DNAH17: variants seen among roughly 807,000 people sequenced by gnomAD.
The protein encoded by DNAH17 is axonemal beta dynein heavy chain 17.
DNAH17 carries 376 observed loss-of-function variants against 485.6 expected under a neutral mutation model. That is an observed-to-expected ratio of 0.77 (90% CI 0.71 to 0.84). The LOEUF (loss-of-function observed/expected upper bound fraction) is 0.84, where lower values mean the gene tolerates loss of function less well. DNAH17 is among the 40% of genes least tolerant of loss of function. The probability of loss-of-function intolerance (pLI) is 0.00; values close to 1 mark genes in which losing one functional copy is unlikely to be tolerated. For missense variants in DNAH17, 6,370 were observed against 5,839.3 expected (o/e 1.09, Z -2.96); for synonymous variants, 3,031 against 2,405.9 (o/e 1.26, Z -7.60).
rs773810605 is a variant in DNAH17 at position 78,476,625 on chromosome 17, C to A, written c.8101G>T (p.Asp2701Tyr). 1.2e-6 allele frequency: 2 copies of A among 1,611,874 alleles called. No homozygotes were observed. The highest frequency in any genetic ancestry group is 1.7e-5 in the Admixed American group (1 of 59,674). Residue 2701 changes from aspartate (D) to tyrosine (Y), a missense_variant, in exon 52 of 81, where the codon GAC (aspartate) becomes TAC (tyrosine). Asp to Tyr is a radical substitution (Grantham distance 160, BLOSUM62 -3). Coordinates refer to ENST00000389840, the MANE Select transcript of DNAH17 (RefSeq NM_173628.4). ...VYGDKMVDEK[D>Y]QETLHRVTMA... is the part of the protein sequence containing the mutation. ...GTGACTCTATGCAATGTTTCCTGGT[C>A]TTTTTCGTCAACCATTTTGTCACCA... is the stretch of plus-strand genomic sequence containing the variant.
chr17:78,479,178 C>A, intron 50 of DNAH17, 62 bp from the exon 51 acceptor site: 1 of 1,530,688 alleles, frequency 6.5e-7, no homozygotes, highest in East Asian at 2.3e-5. Context: ...GAAGTGCAAG[C>A]CTCAAGTTTC....
chr17:78,551,461 T>TA, intron 16 of DNAH17, 74 bp downstream of exon 16: 5 of 1,398,326 alleles, frequency 3.6e-6, no homozygotes, highest in Non-Finnish European at 5.0e-6. Flanking sequence ...CATGGGCCTC[T>TA]ACGTAGCCTG....
At chr17:78,436,979 A>T (rs1272181390) in intron 74 of DNAH17, among the ~76,000 whole-genome samples, 1 of 152,164 alleles carries the variant, frequency 6.6e-6, no homozygotes, top group East Asian at 1.9e-4. Flanking sequence ...GCAGATGCAG[A>T]AGTGGGATCC....
At chr17:78,562,961 C>A (rs116457211) in intron 11 of DNAH17, among the ~76,000 whole-genome samples, 1 of 152,152 alleles carries the variant, frequency 6.6e-6, no homozygotes, top group Non-Finnish European at 1.5e-5. Flanking sequence ...ATAACCCACG[C>A]CCAATGGGGG....
At chr17:78,572,422 G>T (rs2092372010) in intron 3 of DNAH17, among the ~76,000 whole-genome samples, 2 of 152,114 alleles carry the variant, frequency 1.3e-5, no homozygotes, top group Non-Finnish European at 1.5e-5. Context: ...GGTGGTGACT[G>T]GATCGGCACA....
At chr17:78,567,347 T>C (rs952440884) in intron 9 of DNAH17, among the ~76,000 whole-genome samples, 181 bp from the exon 10 acceptor site, 1 of 151,780 alleles carries the variant, frequency 6.6e-6, no homozygotes, top group Non-Finnish European at 1.5e-5. Flanking sequence ...AAATATTCCA[T>C]CCCCTGCAGA....
chr17:78,438,945 C>T (rs1408371037), intron 73 of DNAH17, 145 bp downstream of exon 73: 6 of 1,234,866 alleles, frequency 4.9e-6, no homozygotes, highest in Non-Finnish European at 6.5e-6. Flanking sequence ...ACTGGGGATG[C>T]CTCCTCCTTC....
chr17:78,446,580 C>T (rs192632727), intron 69 of DNAH17, among the ~76,000 whole-genome samples: 10 of 152,186 alleles, frequency 6.6e-5, no homozygotes, highest in Non-Finnish European at 1.2e-4. Flanking sequence ...TGATGGACAG[C>T]GGGTCGTTTT....
chr17:78,482,455 T>C (rs1472074486), intron 48 of DNAH17, among the ~76,000 whole-genome samples: 3 of 152,262 alleles, frequency 2.0e-5, no homozygotes, highest in Non-Finnish European at 2.9e-5. Flanking sequence ...TTTTCTTCCA[T>C]TCTTTTATTT....
chr17:78,446,063 A>G (rs962497317), intron 69 of DNAH17, among the ~76,000 whole-genome samples: 6 of 142,894 alleles, frequency 4.2e-5, no homozygotes, highest in Admixed American at 7.7e-5. Flanking sequence ...AGTCCTAGCT[A>G]CTCGGGATGC....
Position 78,486,306 on chromosome 17 carries a change from G to C in DNAH17, c.7019C>G (p.Pro2340Arg). Residue 2340 changes from proline (P) to arginine (R), a missense_variant, in exon 45 of 81, where the codon CCC (proline) becomes CGC (arginine). By Grantham distance (103) the Pro-to-Arg change is moderately radical. Coordinates refer to ENST00000389840, the MANE Select transcript of DNAH17 (RefSeq NM_173628.4). ...ECLLTEKTVPPDSPRELYELY... is the reference protein window; with the variant it reads ...ECLLTEKTVPRDSPRELYELY... ...CTCGTACAGCTCCCTGGGGGAGTCG[G>C]GGGGCACGGTCTTCTCCGTGAGCAG... is the stretch of plus-strand genomic sequence containing the variant. 6.2e-7 allele frequency: 1 copy of C among 1,613,164 alleles called. No individual in the cohort carries two copies. Among genetic ancestry groups the C allele is most frequent in the East Asian group, 2.2e-5 (1 of 44,864 alleles).
intron 72 of DNAH17, among the ~76,000 whole-genome samples, chr17:78,440,244 CTTTTTTTTTTTTTTT>C (rs71160296): frequency 5.0e-5 from 2 of 40,308 alleles, no homozygotes; most frequent in South Asian, 1.3e-3. Context: ...CGACTTCATG[CTTTTTTTTTTTTTTT>C]TTTTTTTTTT....
chr17:78,467,427 C>T (rs541664613), intron 55 of DNAH17, among the ~76,000 whole-genome samples: 8 of 152,342 alleles, frequency 5.3e-5, no homozygotes, highest in Non-Finnish European at 8.8e-5. Flanking sequence ...TGCGTGATGA[C>T]GTGAGGGTGC....
intron 2 of DNAH17, among the ~76,000 whole-genome samples, chr17:78,573,777 G>A (rs1015369809): frequency 6.6e-6 from 1 of 151,518 alleles, no homozygotes; most frequent in Admixed American, 6.6e-5. Context: ...AACCAACCCC[G>A]CCGACACCTT....
intron 9 of DNAH17, among the ~76,000 whole-genome samples, chr17:78,568,754 C>A (rs1044388614): frequency 1.3e-5 from 2 of 152,182 alleles, no homozygotes; most frequent in Non-Finnish European, 2.9e-5. Flanking sequence ...CTGGGCCATG[C>A]ACCATTTTTA....
chr17:78,553,685 CTT>C (rs1309534015), intron 14 of DNAH17, among the ~76,000 whole-genome samples: 3 of 152,126 alleles, frequency 2.0e-5, no homozygotes, highest in East Asian at 1.9e-4. Flanking sequence ...TTTAGAATGA[CTT>C]TTATCACTGA....
At chr17:78,432,850 A>G (rs901136571) in intron 75 of DNAH17, among the ~76,000 whole-genome samples, 4 of 146,836 alleles carry the variant, frequency 2.7e-5, no homozygotes, top group Non-Finnish European at 5.9e-5. Flanking sequence ...TTAGCGGTCC[A>G]GTGACTTGCT....
chr17:78,449,704 G>GCAAGAC, intron 68 of DNAH17, 120 bp from the exon 69 acceptor site: 1 of 1,036,796 alleles, frequency 9.6e-7, no homozygotes, highest in Non-Finnish European at 1.4e-6. Flanking sequence ...TTGAGACAGA[G>GCAAGAC]TCTTGCTCTG....
At chr17:78,561,667 C>T (rs771170511) in intron 12 of DNAH17, 48 bp downstream of exon 12, 17 of 1,553,506 alleles carry the variant, frequency 1.1e-5, no homozygotes, top group Middle Eastern at 1.8e-4. Flanking sequence ...CTCGCTCTCC[C>T]GCACCATGGA....
Sources: gnomAD v4.1 joint callset for allele counts (sites outside exome capture counted in the v4.1 genomes callset) on GRCh38, gnomAD v4.1.1 for gene constraint, MANE v1.5 for transcripts, NCBI Gene and HGNC (gene_info 2026-07-23, HGNC 2026-07-21) for gene names.